The following DTNBP1 variants were observed in gnomAD, a reference collection of about 807,000 sequenced individuals.
DTNBP1 encodes the protein dystrobrevin binding protein 1.
DTNBP1 carries 35 observed loss-of-function variants against 42.8 expected under a neutral mutation model. That is an observed-to-expected ratio of 0.82 (90% CI 0.63 to 1.09). The LOEUF (loss-of-function observed/expected upper bound fraction) is 1.09, where lower values mean the gene tolerates loss of function less well. Among genes scored for constraint, DTNBP1 ranks in the 50% least tolerant of loss-of-function variants. DTNBP1 has a pLI of 0.00. For synonymous variants in DTNBP1, 171 were observed against 162.2 expected (o/e 1.05, Z -0.41); for missense variants, 457 against 424.2 (o/e 1.08, Z -0.68).
chr6:15,627,657 G>A (rs148518246), intron 4 of DTNBP1, among the ~76,000 whole-genome samples, 182 bp from the exon 5 acceptor site: 2 of 152,172 alleles, frequency 1.3e-5, no homozygotes, highest in East Asian at 3.9e-4. Flanking sequence ...AATATTCAGT[G>A]CAGGAAACCT....
At chr6:15,531,300 A>G (rs911198279) in intron 8 of DTNBP1, among the ~76,000 whole-genome samples, 1 of 152,208 alleles carries the variant, frequency 6.6e-6, no homozygotes, top group Non-Finnish European at 1.5e-5. Context: ...CAGGATAAAA[A>G]TCCCTGGAGC....
At position 15,522,842 on chromosome 6, in the gene DTNBP1, TAA is replaced by T; in HGVS notation, c.*131_*132del. 1 of 1,495,720 alleles carries T rather than the reference TAA, an allele frequency of 6.7e-7. No individual in the cohort carries two copies. 92.7% of individuals were successfully genotyped at this position (1,495,720 alleles called of 1,614,324 possible). ...TCACACTTTATTGTTAGCTGTTCTT[TAA>T]GTTTCTCACACATTATTGGCAATTA... On this transcript the variant is annotated 3_prime_UTR_variant, in exon 10 of 10. Coordinates refer to ENST00000344537, the MANE Select transcript of DTNBP1 (RefSeq NM_032122.5).
intron 4 of DTNBP1, among the ~76,000 whole-genome samples, chr6:15,633,267 A>G (rs1488997141): frequency 6.6e-6 from 1 of 152,232 alleles, no homozygotes; most frequent in African/African-American, 2.4e-5. Flanking sequence ...ATTGTTTAAG[A>G]AACACATTTT....
intron 7 of DTNBP1, among the ~76,000 whole-genome samples, chr6:15,582,629 C>T (rs977276804): frequency 7.9e-5 from 12 of 152,176 alleles, no homozygotes; most frequent in African/African-American, 1.2e-4. Context: ...GCAATTACTA[C>T]GATAATTCTT....
chr6:15,619,738 T>C (rs1758931703), intron 5 of DTNBP1, among the ~76,000 whole-genome samples: 1 of 152,184 alleles, frequency 6.6e-6, no homozygotes, highest in Non-Finnish European at 1.5e-5. Context: ...CAAACAGCTA[T>C]TAGATAATCC....
rs539248574 is a variant in DTNBP1 at position 15,546,752 on chromosome 6, G to T, written c.512-13357C>A. Among the ~76,000 whole-genome samples, 33 of 152,286 alleles carry T rather than the reference G, an allele frequency of 2.2e-4. 1 individual carries two copies. The highest frequency in any genetic ancestry group is 7.2e-4 in the African/African-American group (30 of 41,552). On this transcript the variant is annotated intron_variant, in intron 7 of 9. Transcript: ENST00000344537. ...CTGCAATGAGTACAGGTAGCACCAA[G>T]AAGGCTGCTTCCTGTAGGAGATCGA...
intron 3 of DTNBP1, among the ~76,000 whole-genome samples, chr6:15,646,461 CAGTGCA>C (rs1443706501): frequency 1.3e-5 from 2 of 151,714 alleles, no homozygotes; most frequent in Non-Finnish European, 2.9e-5. Flanking sequence ...TCTACAGATT[CAGTGCA>C]ATTCCCATCA....
At chr6:15,599,719 G>GC (rs1353571527) in intron 6 of DTNBP1, among the ~76,000 whole-genome samples, 1 of 152,046 alleles carries the variant, frequency 6.6e-6, no homozygotes, top group Non-Finnish European at 1.5e-5. Context: ...TCAAAAATAA[G>GC]CCTGCAAAAA....
chr6:15,602,309 G>A (rs1239110914), intron 6 of DTNBP1, among the ~76,000 whole-genome samples: 3 of 152,138 alleles, frequency 2.0e-5, no homozygotes, highest in Non-Finnish European at 2.9e-5. Flanking sequence ...CAGAGAGGAG[G>A]AGCACTGTTT....
intron 3 of DTNBP1, among the ~76,000 whole-genome samples, chr6:15,644,342 G>A (rs887310718): frequency 6.6e-6 from 1 of 152,072 alleles, no homozygotes; most frequent in Non-Finnish European, 1.5e-5. Context: ...AACAGTGGGG[G>A]ACTTCAACAC....
chr6:15,616,575 T>C (rs1237631473), intron 5 of DTNBP1, among the ~76,000 whole-genome samples: 1 of 152,226 alleles, frequency 6.6e-6, no homozygotes, highest in Non-Finnish European at 1.5e-5. Context: ...GAAGAACAAG[T>C]TGGCTGTGCA....
chr6:15,524,712 A>G (rs762663233), intron 8 of DTNBP1, 43 bp from the exon 9 acceptor site: 2 of 1,604,274 alleles, frequency 1.2e-6, no homozygotes, highest in Admixed American at 3.3e-5. Context: ...TGTCTTTAAT[A>G]TTACTTTAAA....
At chr6:15,571,854 G>GCTCAT (rs1399593413) in intron 7 of DTNBP1, among the ~76,000 whole-genome samples, 1 of 152,144 alleles carries the variant, frequency 6.6e-6, no homozygotes, top group Non-Finnish European at 1.5e-5. Context: ...CAAAGTTAGT[G>GCTCAT]CTCATCCTAA....
At chr6:15,612,500 C>T (rs1019860052) in intron 6 of DTNBP1, among the ~76,000 whole-genome samples, 3 of 152,148 alleles carry the variant, frequency 2.0e-5, no homozygotes, top group Admixed American at 6.5e-5. Context: ...TATTCATATA[C>T]TTTTTGTATT....
chr6:15,523,323 GT>G, intron 9 of DTNBP1, 104 bp from the exon 10 acceptor site: 1 of 1,513,402 alleles, frequency 6.6e-7, no homozygotes, highest in Non-Finnish European at 9.1e-7. Flanking sequence ...GGGGGGTGTG[GT>G]TTTTGTTCCA....
At chr6:15,537,961 G>T (rs578069704) in intron 7 of DTNBP1, among the ~76,000 whole-genome samples, 1 of 152,148 alleles carries the variant, frequency 6.6e-6, no homozygotes, top group Non-Finnish European at 1.5e-5. Context: ...TTTTGACCTG[G>T]TACATGGGTA....
At chr6:15,603,676 T>G (rs1330118965) in intron 6 of DTNBP1, among the ~76,000 whole-genome samples, 1 of 152,250 alleles carries the variant, frequency 6.6e-6, no homozygotes, top group Non-Finnish European at 1.5e-5. Flanking sequence ...AACAGCTTGA[T>G]TCTTCTGATG....
At chr6:15,622,460 T>C (rs1056061135) in intron 5 of DTNBP1, among the ~76,000 whole-genome samples, 1 of 152,202 alleles carries the variant, frequency 6.6e-6, no homozygotes, top group African/African-American at 2.4e-5. Context: ...ATTCCGAATA[T>C]TTTATGTTGA....
At chr6:15,612,733 C>T (rs959685403) in intron 6 of DTNBP1, among the ~76,000 whole-genome samples, 1 of 152,196 alleles carries the variant, frequency 6.6e-6, no homozygotes, top group African/African-American at 2.4e-5. Flanking sequence ...TCTAGGGTCA[C>T]ATGACCTGTA....
Sources: allele counts gnomAD v4.1 joint callset (sites outside exome capture counted in the v4.1 genomes callset), GRCh38; gene constraint gnomAD v4.1.1; transcripts MANE v1.5; gene names NCBI Gene and HGNC (gene_info 2026-07-23, HGNC 2026-07-21).